PLPPR1: variants seen among roughly 807,000 people sequenced by gnomAD.
PLPPR1 encodes the protein phospholipid phosphatase related 1.
PLPPR1 carries 10 observed loss-of-function variants against 33.1 expected under a neutral mutation model. That is an observed-to-expected ratio of 0.30 (90% CI 0.19 to 0.51). The LOEUF is 0.51. Among genes scored for constraint, PLPPR1 ranks in the 20% least tolerant of loss-of-function variants. The pLI, the probability that PLPPR1 is intolerant of heterozygous loss-of-function variation, is 0.97. For missense variants in PLPPR1, 304 were observed against 408.1 expected (o/e 0.74, Z 2.20); for synonymous variants, 151 against 151.0 (o/e 1.00, Z 0.00).
intron 2 of PLPPR1, among the ~76,000 whole-genome samples, chr9:101,235,090 A>G (rs899073991): frequency 6.6e-6 from 1 of 151,858 alleles, no homozygotes; most frequent in African/African-American, 2.4e-5. Context: ...AATTGCATTT[A>G]TTTTTGATGG....
At chr9:101,031,193 C>G (rs1829940774) in intron 1 of PLPPR1, among the ~76,000 whole-genome samples, 2 of 152,036 alleles carry the variant, frequency 1.3e-5, no homozygotes, top group Non-Finnish European at 2.9e-5. Context: ...TCTTTGAAAA[C>G]CTTGGCAAGA....
intron 2 of PLPPR1, among the ~76,000 whole-genome samples, chr9:101,244,118 G>A (rs74742152): frequency 0.056 from 8,455 of 151,954 alleles, 767 homozygotes; most frequent in African/African-American, 0.19. Context: ...ATCAAATAAT[G>A]TTAGGACTGA....
At chr9:101,309,163 A>G (rs762383004) in intron 4 of PLPPR1, 48 bp from the exon 5 acceptor site, 8 of 1,601,544 alleles carry the variant, frequency 5.0e-6, no homozygotes, top group South Asian at 1.1e-5. Flanking sequence ...GAAAAATGCA[A>G]TTGACAGAGT....
Position 101,252,790 on chromosome 9 carries a change from G to A in PLPPR1, c.64-17090G>A, listed in dbSNP as rs189332807. On this transcript the variant is annotated intron_variant, in intron 2 of 7. Coordinates refer to ENST00000374874, the MANE Select transcript of PLPPR1 (RefSeq NM_207299.2). ...TTAAAACTGTTTGAAAGCAAATGTA[G>A]GAAATGCTTACCATGTTTCCTAAGT... Among the ~76,000 whole-genome samples the A allele has an allele frequency of 2.3e-3, 353 of 151,972 alleles. 2 individuals are homozygous for A. Among genetic ancestry groups the A allele is most frequent in the African/African-American group, 8.3e-3 (344 of 41,464 alleles).
chr9:101,127,896 A>G (rs1203468647), intron 1 of PLPPR1, among the ~76,000 whole-genome samples: 3 of 152,190 alleles, frequency 2.0e-5, no homozygotes, highest in African/African-American at 7.2e-5. Flanking sequence ...TGAAACAGAT[A>G]GATAGTTAGA....
intron 2 of PLPPR1, among the ~76,000 whole-genome samples, chr9:101,190,212 GA>G (rs1332647529): frequency 3.3e-5 from 5 of 152,138 alleles, no homozygotes; most frequent in African/African-American, 1.2e-4. Context: ...AATTGAAAGG[GA>G]AGGTGAGAGG....
At chr9:101,062,463 CA>C (rs1830359072) in intron 1 of PLPPR1, among the ~76,000 whole-genome samples, 2 of 151,886 alleles carry the variant, frequency 1.3e-5, no homozygotes, top group South Asian at 4.1e-4. Context: ...GCAGAATAAG[CA>C]AACCTTTTGA....
rs572886802 is a variant in PLPPR1 at position 101,132,809 on chromosome 9, C to A, written c.-45-52641C>A. Among the ~76,000 whole-genome samples, 198 of 152,216 alleles carry A rather than the reference C, an allele frequency of 1.3e-3. 2 individuals are homozygous for A. Among genetic ancestry groups the A allele is most frequent in the African/African-American group, 4.1e-3 (171 of 41,520 alleles). On this transcript the variant is annotated intron_variant, in intron 1 of 7. Coordinates refer to ENST00000374874, the MANE Select transcript of PLPPR1 (RefSeq NM_207299.2). ...ACCTTCCTCCCAATTTTGCTGTAAA[C>A]CTAAATCTGCTTTATTATTAAGTCT...
intron 2 of PLPPR1, among the ~76,000 whole-genome samples, chr9:101,261,668 A>G (rs562089388): frequency 6.7e-6 from 1 of 149,998 alleles, no homozygotes; most frequent in Admixed American, 6.6e-5. Context: ...ATGCATCCAT[A>G]AAAAAGAATG....
At chr9:101,143,595 C>A (rs1037181435) in intron 1 of PLPPR1, among the ~76,000 whole-genome samples, 1 of 152,158 alleles carries the variant, frequency 6.6e-6, no homozygotes, top group Admixed American at 6.6e-5. Context: ...AAAAATCAAA[C>A]GACCCCATCA....
chr9:101,247,737 T>C (rs1827638176), intron 2 of PLPPR1, among the ~76,000 whole-genome samples: 1 of 152,022 alleles, frequency 6.6e-6, no homozygotes, highest in African/African-American at 2.4e-5. Flanking sequence ...TCTCTTAGTC[T>C]GGAGCGCTGA....
At chr9:101,170,535 T>C (rs1374659246) in intron 1 of PLPPR1, among the ~76,000 whole-genome samples, 1 of 152,184 alleles carries the variant, frequency 6.6e-6, no homozygotes, top group Non-Finnish European at 1.5e-5. Context: ...CAAGATGAGA[T>C]CTGAGTGGGG....
chr9:101,213,609 G>A (rs968669434), intron 2 of PLPPR1, among the ~76,000 whole-genome samples: 8 of 152,126 alleles, frequency 5.3e-5, no homozygotes, highest in African/African-American at 1.9e-4. Context: ...GACCACCTGA[G>A]TCTTTAGGAT....
At chr9:101,120,359 A>G (rs1020367664) in intron 1 of PLPPR1, among the ~76,000 whole-genome samples, 7 of 152,190 alleles carry the variant, frequency 4.6e-5, no homozygotes, top group Non-Finnish European at 7.4e-5. Context: ...TAACATTTGG[A>G]TGTCCACATT....
intron 3 of PLPPR1, among the ~76,000 whole-genome samples, chr9:101,282,768 GA>G (rs1310173138): frequency 1.3e-5 from 2 of 151,854 alleles, no homozygotes; most frequent in East Asian, 1.9e-4. Context: ...CAAGCTATCT[GA>G]AAAAAAGTAA....
chr9:101,316,264 G>A (rs144470727), intron 6 of PLPPR1, among the ~76,000 whole-genome samples: 5,567 of 151,984 alleles, frequency 0.037, 347 homozygotes, highest in African/African-American at 0.12. Flanking sequence ...GTGAAACCCC[G>A]TCTCTACTAA....
chr9:101,280,496 G>A (rs1206590608), intron 3 of PLPPR1, among the ~76,000 whole-genome samples: 1 of 151,910 alleles, frequency 6.6e-6, no homozygotes, highest in Non-Finnish European at 1.5e-5. Context: ...AAAAGGAAAA[G>A]TACAGGCCAA....
In PLPPR1 at chr9:101,270,084, G is replaced by A. The variant is rs773175266; in HGVS notation, c.252+16G>A. Reference sequence around the variant, plus strand: ...AACTGCTATTGTAAGTACAGAAATAGACTTTCCTCTTTATTGTCAGATACC... The same window carrying A: ...AACTGCTATTGTAAGTACAGAAATAAACTTTCCTCTTTATTGTCAGATACC... On this transcript the variant is annotated intron_variant, in intron 3 of 7. Transcript: ENST00000374874. 1.9e-6 allele frequency: 3 copies of A among 1,612,590 alleles called. No individual in the cohort carries two copies. Among genetic ancestry groups the A allele is most frequent in the Middle Eastern group, 1.7e-4 (1 of 6,054 alleles).
intron 2 of PLPPR1, among the ~76,000 whole-genome samples, chr9:101,226,500 C>T (rs1827071824): frequency 6.6e-6 from 1 of 152,140 alleles, no homozygotes; most frequent in African/African-American, 2.4e-5. Flanking sequence ...CTGGGAAGTC[C>T]AAGATCAAGG....
Sources: gnomAD v4.1 joint callset for allele counts (sites outside exome capture counted in the v4.1 genomes callset) on GRCh38, gnomAD v4.1.1 for gene constraint, MANE v1.5 for transcripts, NCBI Gene and HGNC (gene_info 2026-07-23, HGNC 2026-07-21) for gene names.